Variants in PARD3B observed in about 807,000 individuals in gnomAD.
The protein encoded by PARD3B is par-3 family cell polarity regulator beta, also known as partitioning defective 3 homolog B.
Under a neutral mutation model 130.2 loss-of-function variants are expected in PARD3B, and 103 were observed. The observed-to-expected ratio is 0.79, with a 90% CI of 0.67 to 0.93. PARD3B has a LOEUF of 0.93. Among genes scored for constraint, PARD3B ranks in the 40% least tolerant of loss-of-function variants. The pLI is 0.00. For missense variants in PARD3B, 1,609 were observed against 1,499.2 expected, an observed-to-expected ratio of 1.07 and a Z score of -1.21; for synonymous variants, 583 against 553.2, an observed-to-expected ratio of 1.05 and a Z score of -0.76.
Position 205,300,663 on chromosome 2 carries a change from A to C in PARD3B, c.2319A>C (p.Arg773=), listed in dbSNP as rs2041962718. 13 of 1,614,020 alleles carry C rather than the reference A, an allele frequency of 8.1e-6. No homozygotes were observed. Among genetic ancestry groups the C allele is most frequent in the Non-Finnish European group, 1.0e-5 (12 of 1,180,022 alleles). Residue 773 remains arginine (R), a synonymous_variant, in exon 17 of 23, where the codon CGA becomes CGC. Transcript: ENST00000406610. The surrounding 1 kb of genome is among the most constrained non-coding windows in gnomAD (Gnocchi z 4.1). Reference sequence around the variant, plus strand: ...ACAGGCCCCGGCCGCACATGGTTCGAGGCCGAGGCTGCAATGAGAGCTTTA... The same window carrying C: ...ACAGGCCCCGGCCGCACATGGTTCGCGGCCGAGGCTGCAATGAGAGCTTTA... ...PFHRPRPHMV[R]GRGCNESFRA... is the part of the protein sequence containing the mutation.
chr2:205,539,005 A>G (rs764150), intron 21 of PARD3B, among the ~76,000 whole-genome samples: 143,139 of 152,212 alleles, frequency 0.94, 67,906 homozygotes, highest in East Asian at 1. Context: ...ACTTACCCAA[A>G]ATCACAAAGT....
chr2:205,084,709 G>T (rs1484023141), intron 4 of PARD3B, among the ~76,000 whole-genome samples: 1 of 151,678 alleles, frequency 6.6e-6, no homozygotes, highest in Non-Finnish European at 1.5e-5. Flanking sequence ...GTTTTTGCTC[G>T]TTTTTAGGTT....
intron 1 of PARD3B, among the ~76,000 whole-genome samples, chr2:204,681,319 T>A (rs1394419979): frequency 3.9e-5 from 6 of 152,204 alleles, no homozygotes; most frequent in Non-Finnish European, 8.8e-5. Context: ...TCCCTCATTT[T>A]ATATGTAATT....
At chr2:204,658,026 G>T (rs1559034925) in intron 1 of PARD3B, among the ~76,000 whole-genome samples, 1 of 152,150 alleles carries the variant, frequency 6.6e-6, no homozygotes, top group African/African-American at 2.4e-5. Context: ...TTGTGACTTA[G>T]ACATGATCTA....
Position 205,463,760 on chromosome 2 carries a change from G to A in PARD3B, c.3044+23088G>A, listed in dbSNP as rs1267714494. On this transcript the variant is annotated intron_variant, in intron 20 of 22. Coordinates refer to ENST00000406610, the MANE Select transcript of PARD3B (RefSeq NM_001302769.2). This position sits in a 1 kb window ranked among gnomAD's most constrained non-coding sequence, Gnocchi z 4.8. ...CTGAAATCCTGAAAGATTGTGGCCT[G>A]TTTACTGGGAGAGCATTTTAACAAA... Among the ~76,000 whole-genome samples, 1 of 152,182 alleles carries A rather than the reference G, an allele frequency of 6.6e-6. No individual in the cohort carries two copies. The highest frequency in any genetic ancestry group is 1.5e-5 in the Non-Finnish European group (1 of 68,028).
rs768435807 is a variant in PARD3B at position 205,185,821 on chromosome 2, C to T, written c.1982C>T (p.Pro661Leu). The T allele has an allele frequency of 1.1e-5, 18 of 1,614,048 alleles. No individual in the cohort carries two copies. The highest frequency in any genetic ancestry group is 1.5e-5 in the Non-Finnish European group (18 of 1,179,958). The stretch of plus-strand genomic sequence containing the variant: ...AGTGAAGTTCCACCTTCTCCAACAC[C>T]ACATTCTGCTCTGGGATTGGGCCTC... ...AESEVPPSPT[P>L]HSALGLGLED... The change falls in exon 14 of 23, where the codon CCA becomes CTA. Residue 661 changes from proline to leucine, a missense_variant. Coordinates refer to ENST00000406610, the MANE Select transcript of PARD3B (RefSeq NM_001302769.2).
intron 2 of PARD3B, among the ~76,000 whole-genome samples, chr2:204,778,035 C>A (rs1010768894): frequency 6.6e-6 from 1 of 151,822 alleles, no homozygotes; most frequent in Non-Finnish European, 1.5e-5. Context: ...TTCCTGAGGC[C>A]TCCCTAGCCA....
rs113151594 is a variant in PARD3B at position 204,826,950 on chromosome 2, T to C, written c.223-138202T>C. On this transcript the variant is annotated intron_variant, in intron 2 of 22. Transcript: ENST00000406610. ...CAGGAGGATCACTTAAGCCCAGGAG[T>C]TGAAGGCTGTAGTGAGCTATGATCA... 3.6e-3 allele frequency among the ~76,000 whole-genome samples: 542 copies of C among 152,164 alleles called. 2 individuals carry two copies. The highest frequency in any genetic ancestry group is 0.012 in the African/African-American group (500 of 41,522).
At chr2:205,462,161 C>T (rs775997026) in intron 20 of PARD3B, among the ~76,000 whole-genome samples, 2 of 152,140 alleles carry the variant, frequency 1.3e-5, no homozygotes, top group Non-Finnish European at 2.9e-5. Flanking sequence ...GGTTGAAAGA[C>T]GTTCTGGGAG....
At position 205,241,027 on chromosome 2, in the gene PARD3B, C is replaced by A. The variant is rs1377266112; in HGVS notation, c.2141-4751C>A. Reference sequence around the variant, plus strand: ...TCTTTCTCTCAATTCTAATGATGAACTGGTTGAAATTAAGTGAAAAGACAC... The same window carrying A: ...TCTTTCTCTCAATTCTAATGATGAAATGGTTGAAATTAAGTGAAAAGACAC... On this transcript the variant is annotated intron_variant, in intron 15 of 22. Transcript: ENST00000406610. The surrounding 1 kb of genome is among the most constrained non-coding windows in gnomAD (Gnocchi z 4.2). 2.0e-5 allele frequency among the ~76,000 whole-genome samples: 3 copies of A among 152,088 alleles called. No individual in the cohort carries two copies. Among genetic ancestry groups the A allele is most frequent in the African/African-American group, 7.2e-5 (3 of 41,416 alleles).
intron 1 of PARD3B, among the ~76,000 whole-genome samples, chr2:204,577,995 C>G (rs1290055114): frequency 6.6e-6 from 1 of 152,184 alleles, no homozygotes; most frequent in Non-Finnish European, 1.5e-5. Context: ...GTTATCACAG[C>G]AAGTGAGAAG....
intron 2 of PARD3B, among the ~76,000 whole-genome samples, chr2:204,811,721 C>T (rs759844641): frequency 6.6e-6 from 1 of 152,110 alleles, no homozygotes; most frequent in Non-Finnish European, 1.5e-5. Context: ...CAGTTGTTAA[C>T]TCCTATATCC....
chr2:205,164,061 C>T (rs2034662319), intron 11 of PARD3B, among the ~76,000 whole-genome samples: 1 of 152,068 alleles, frequency 6.6e-6, no homozygotes, highest in Non-Finnish European at 1.5e-5. Context: ...AGATGTGATA[C>T]ATTTTAAGGA....
At chr2:204,755,962 C>T (rs933823000) in intron 2 of PARD3B, among the ~76,000 whole-genome samples, 1 of 152,070 alleles carries the variant, frequency 6.6e-6, no homozygotes, top group Non-Finnish European at 1.5e-5. Context: ...GCAAGAGTAG[C>T]ATTGCTATGT....
rs561121006 is a variant in PARD3B, at chr2:205,223,764, G to A, written c.2141-22014G>A. 7.9e-5 allele frequency among the ~76,000 whole-genome samples: 12 copies of A among 152,260 alleles called. No homozygotes were observed. In the South Asian group the frequency reaches 2.5e-3, roughly 32 times the overall value. ...AGCCACTGATCACATTCTTAGCTTA[G>A]TGTTCTTCCATTATGTTTCCTTTTA... On this transcript the variant is annotated intron_variant, in intron 15 of 22. Transcript: ENST00000406610.
In PARD3B at chr2:205,558,504, G is replaced by A. The variant is rs549004797; in HGVS notation, c.3260+5101G>A. ...TGTCAGAGAAAAACAAAGACCCTTG[G>A]CTCAACCCTCCTTTTCCCACATTTC... On this transcript the variant is annotated intron_variant, in intron 22 of 22. Coordinates refer to ENST00000406610, the MANE Select transcript of PARD3B (RefSeq NM_001302769.2). The surrounding 1 kb of genome is among the most constrained non-coding windows in gnomAD (Gnocchi z 4.8). Among the ~76,000 whole-genome samples the A allele has an allele frequency of 3.3e-5, 5 of 152,218 alleles. No individual in the cohort carries two copies. Among genetic ancestry groups the A allele is most frequent in the Admixed American group, 3.3e-4 (5 of 15,286 alleles).
intron 15 of PARD3B, among the ~76,000 whole-genome samples, chr2:205,211,236 A>G (rs1347736272): frequency 6.6e-6 from 1 of 152,092 alleles, no homozygotes; most frequent in African/African-American, 2.4e-5. Flanking sequence ...TGGCATCACC[A>G]TAAACACCTA....
chr2:204,648,729 G>C (rs13020360), intron 1 of PARD3B, among the ~76,000 whole-genome samples: 1 of 28,628 alleles, frequency 3.5e-5, no homozygotes, highest in Non-Finnish European at 5.4e-5. Flanking sequence ...ATTTATAATA[G>C]ATATCATATA....
rs139676123 is a variant in PARD3B at position 204,686,798 on chromosome 2, G to T, written c.222+516G>T. Among the ~76,000 whole-genome samples, 768 of 152,258 alleles carry T rather than the reference G, an allele frequency of 5.0e-3. 9 individuals carry two copies. Among genetic ancestry groups the T allele is most frequent in the African/African-American group, 0.017 (712 of 41,558 alleles). On this transcript the variant is annotated intron_variant, in intron 2 of 22. Transcript: ENST00000406610. ...CTAAATTGAATACTCCAAAAAGTTT[G>T]AGCGTGTTCTGCCACTTATTTGGGA...
Sources: allele counts gnomAD v4.1 joint callset (sites outside exome capture counted in the v4.1 genomes callset), GRCh38; gene constraint gnomAD v4.1.1; non-coding constraint Gnocchi (gnomAD v3.1); transcripts MANE v1.5; gene names NCBI Gene and HGNC (gene_info 2026-07-23, HGNC 2026-07-21).